Variants in PLXNA1 observed in about 807,000 individuals in gnomAD.
The protein encoded by PLXNA1 is plexin A1, also known as plexin-A1.
PLXNA1 carries 77 observed loss-of-function variants against 191.7 expected under a neutral mutation model. The observed-to-expected ratio is 0.40, with a 90% CI of 0.33 to 0.49. The LOEUF (loss-of-function observed/expected upper bound fraction) is 0.49. PLXNA1 is among the 20% of genes least tolerant of loss of function. PLXNA1 has a pLI of 0.63. For synonymous variants in PLXNA1, 1,137 were observed against 1,156.4 expected (o/e 0.98, Z 0.34); for missense variants, 2,110 against 2,660.2 (o/e 0.79, Z 4.55).
At chr3:126,999,930 C>T (rs2079031781) in intron 3 of PLXNA1, among the ~76,000 whole-genome samples, 1 of 152,108 alleles carries the variant, frequency 6.6e-6, no homozygotes, top group Admixed American at 6.5e-5. Flanking sequence ...GTCGACTCGC[C>T]CGTGTGCATG....
intron 23 of PLXNA1, among the ~76,000 whole-genome samples, chr3:127,026,113 G>A (rs2079175321): frequency 6.6e-6 from 1 of 152,176 alleles, no homozygotes; most frequent in Non-Finnish European, 1.5e-5. Context: ...AGGAGTCTGA[G>A]GTCTTCCTTT....
chr3:126,993,753 C>T (rs923624339), intron 3 of PLXNA1, among the ~76,000 whole-genome samples: 31 of 152,152 alleles, frequency 2.0e-4, no homozygotes, highest in Admixed American at 1.2e-3. Flanking sequence ...GAGTTTTGTT[C>T]GGAGGCCCCC....
rs747666368 is a variant in PLXNA1, at chr3:127,029,481, G to A, written c.4815G>A (p.Thr1605=). ...GSSVALVPKQ[T]SAYNISNSST... is the part of the protein sequence containing the mutation. ...CGGTGGCACTGGTGCCCAAGCAGAC[G>A]TCCGCCTACAACATCTCCAACTCCT... Residue 1605 remains threonine (T), a synonymous_variant, in exon 27 of 32, where the codon ACG becomes ACA. Coordinates refer to ENST00000393409, the MANE Select transcript of PLXNA1 (RefSeq NM_032242.4). 39 of 1,613,810 alleles carry A rather than the reference G, an allele frequency of 2.4e-5. No individual in the cohort carries two copies. Among genetic ancestry groups the A allele is most frequent in the South Asian group, 1.4e-4 (13 of 91,090 alleles).
Position 127,007,849 on chromosome 3 carries a change from G to A in PLXNA1, c.2048G>A (p.Arg683His), listed in dbSNP as rs2079076192. The A allele has an allele frequency of 2.5e-6, 4 of 1,612,762 alleles. No individual in the cohort carries two copies. The highest frequency in any genetic ancestry group is 3.4e-6 in the Non-Finnish European group (4 of 1,179,438). Reference sequence around the variant, plus strand: ...TTTCCCTGCCACTGGTGCAAATACCGCCACGTGTGCACACACAACGTGGCT... The same window carrying A: ...TTTCCCTGCCACTGGTGCAAATACCACCACGTGTGCACACACAACGTGGCT... The part of the protein sequence containing the change: ...GSFPCHWCKY[R>H]HVCTHNVADC... The change falls in exon 9 of 32, where the codon CGC (arginine) becomes CAC (histidine). Residue 683 changes from arginine (R) to histidine (H), a missense_variant. By Grantham distance (29) the Arg-to-His change is conservative. Coordinates refer to ENST00000393409, the MANE Select transcript of PLXNA1 (RefSeq NM_032242.4).
chr3:127,000,723 G>C (rs959272831), intron 3 of PLXNA1, among the ~76,000 whole-genome samples: 1 of 152,230 alleles, frequency 6.6e-6, no homozygotes, highest in Non-Finnish European at 1.5e-5. Context: ...CTAGGACACA[G>C]ACACATGTCC....
At chr3:127,033,570 G>A (rs1309907942) in intron 31 of PLXNA1, among the ~76,000 whole-genome samples, 1 of 152,174 alleles carries the variant, frequency 6.6e-6, no homozygotes, top group Admixed American at 6.5e-5. Flanking sequence ...AAAAGCCTGG[G>A]GTCCTGGGGC....
intron 10 of PLXNA1, among the ~76,000 whole-genome samples, chr3:127,012,936 GCTGGGCTGTTGTGTGGGGCA>G: frequency 6.6e-6 from 1 of 152,236 alleles, no homozygotes; most frequent in South Asian, 2.1e-4. Context: ...GGGGCAGGTG[GCTGGGCTGTTGTGTGGGGCA>G]CTGGGCTGTC....
intron 3 of PLXNA1, 58 bp from the exon 4 acceptor site, chr3:127,003,272 T>G: frequency 1.3e-6 from 2 of 1,489,018 alleles, no homozygotes; most frequent in Non-Finnish European, 1.8e-6. Context: ...CTGTGGGGGG[T>G]GGGGCTGGGT....
At chr3:126,988,445 G>A in intron 1 of PLXNA1, 76 bp from the exon 2 acceptor site, 1 of 769,380 alleles carries the variant, frequency 1.3e-6, no homozygotes, top group Non-Finnish European at 2.0e-6. Context: ...CACTGGAAGG[G>A]CTCACACTGG....
chr3:127,019,213 A>G (rs752364128), intron 20 of PLXNA1, among the ~76,000 whole-genome samples: 25 of 149,732 alleles, frequency 1.7e-4, no homozygotes, highest in Non-Finnish European at 3.2e-4. Context: ...CATGTGGTCC[A>G]GCATGGGGTT....
rs1001097497 is a variant in PLXNA1 at position 127,013,945 on chromosome 3, G to A, written c.2314-75G>A. The A allele has an allele frequency of 2.2e-6, 3 of 1,339,160 alleles. No individual in the cohort carries two copies. The Admixed American group carries it at 5.0e-5, about 23-fold the overall frequency. 83.0% of individuals were successfully genotyped at this position (1,339,160 alleles called of 1,614,324 possible). A position where few individuals can be genotyped will look rare whatever the true frequency, so the allele number is the denominator to read the frequency against. On this transcript the variant is annotated intron_variant, in intron 10 of 31. Coordinates refer to ENST00000393409, the MANE Select transcript of PLXNA1 (RefSeq NM_032242.4). Reference sequence around the variant, plus strand: ...CTTCCCCCTAAGCTGGCGCCCTGGTGGCTTTGTGGGCGTGAGGCTTGGGAG... The same window carrying A: ...CTTCCCCCTAAGCTGGCGCCCTGGTAGCTTTGTGGGCGTGAGGCTTGGGAG...
In PLXNA1 at chr3:127,029,922, C is replaced by A; in HGVS notation, c.4919C>A (p.Thr1640Lys). 6.2e-7 allele frequency: 1 copy of A among 1,613,324 alleles called. No individual in the cohort carries two copies. Among genetic ancestry groups the A allele is most frequent in the Non-Finnish European group, 8.5e-7 (1 of 1,179,854 alleles). Residue 1640 changes from threonine to lysine, a missense_variant, in exon 28 of 32, where the codon ACG becomes AAG. Transcript: ENST00000393409. Reference sequence around the variant, plus strand: ...AGCCCCGACAGCCTGCGCTCGCGCACGCCCATGATCACGCCCGACCTGGAG... The same window carrying A: ...AGCCCCGACAGCCTGCGCTCGCGCAAGCCCATGATCACGCCCGACCTGGAG... ...ASSPDSLRSR[T>K]PMITPDLESG...
chr3:126,998,551 C>CCACCAGGTGTGGCCT (rs1399247933), intron 3 of PLXNA1, among the ~76,000 whole-genome samples: 2 of 152,184 alleles, frequency 1.3e-5, no homozygotes, highest in African/African-American at 4.8e-5. Context: ...CACGGTGGCC[C>CCACCAGGTGTGGCCT]CACCAGGTGT....
At chr3:127,029,336 G>C in intron 26 of PLXNA1, 104 bp from the exon 27 acceptor site, 2 of 1,102,056 alleles carry the variant, frequency 1.8e-6, no homozygotes, top group Admixed American at 3.4e-5. Flanking sequence ...GCTGCCTCCA[G>C]GCACAGCACT....
At chr3:126,991,711 A>T (rs1202934516) in intron 3 of PLXNA1, 145 bp downstream of exon 3, 9 of 915,526 alleles carry the variant, frequency 9.8e-6, no homozygotes, top group Non-Finnish European at 1.4e-5. Flanking sequence ...GTTGCCCTAC[A>T]CTAGGCCCAG....
chr3:127,024,664 TCTC>T, intron 23 of PLXNA1, among the ~76,000 whole-genome samples: 1 of 152,106 alleles, frequency 6.6e-6, no homozygotes. Flanking sequence ...AGCTGTTAGA[TCTC>T]CTTAGGTCAT....
In PLXNA1 at chr3:127,035,128, G is replaced by C. The variant is rs1485216046; in HGVS notation, c.*1111G>C. The C allele has an allele frequency of 6.6e-6, 1 of 152,228 alleles. No individual in the cohort carries two copies. The highest frequency in any genetic ancestry group is 6.5e-5 in the Admixed American group (1 of 15,284). The allele number at this position is 152,228 out of a possible 1,614,324, so 9.4% of individuals were successfully genotyped here. Reference sequence around the variant, plus strand: ...CCCGCAGTGGCCTGGATCTATCTGGGCCATGAGTGACGGGCAGTGACCAGA... The same window carrying C: ...CCCGCAGTGGCCTGGATCTATCTGGCCCATGAGTGACGGGCAGTGACCAGA... On this transcript the variant is annotated 3_prime_UTR_variant, in exon 32 of 32. Coordinates refer to ENST00000393409, the MANE Select transcript of PLXNA1 (RefSeq NM_032242.4).
chr3:127,020,420 G>A, intron 21 of PLXNA1, 76 bp downstream of exon 21: 1 of 1,556,406 alleles, frequency 6.4e-7, no homozygotes, highest in Non-Finnish European at 8.7e-7. Flanking sequence ...CTCCTTGGGT[G>A]CTGATGGATG....
At chr3:127,005,416 C>A (rs2079061815) in intron 7 of PLXNA1, among the ~76,000 whole-genome samples, 173 bp downstream of exon 7, 1 of 152,262 alleles carries the variant, frequency 6.6e-6, no homozygotes, top group Non-Finnish European at 1.5e-5. Flanking sequence ...GGAGAAAACC[C>A]TCCAGGCATG....
Sources: allele counts gnomAD v4.1 joint callset (sites outside exome capture counted in the v4.1 genomes callset), GRCh38; gene constraint gnomAD v4.1.1; transcripts MANE v1.5; gene names NCBI Gene and HGNC (gene_info 2026-07-23, HGNC 2026-07-21).